FOXP2: variants seen among roughly 807,000 people sequenced by gnomAD.
The protein encoded by FOXP2 is forkhead box protein P2.
Under a neutral mutation model 115.8 loss-of-function variants are expected in FOXP2, and 12 were observed. The ratio of observed to expected loss-of-function variants is 0.10; its 90% CI spans 0.07 to 0.17. FOXP2 has a LOEUF of 0.17. Among genes scored for constraint, FOXP2 ranks in the 10% least tolerant of loss-of-function variants. The pLI, the probability that FOXP2 is intolerant of heterozygous loss-of-function variation, is 1.00. For synonymous variants in FOXP2, 328 were observed against 297.7 expected, an observed-to-expected ratio of 1.10 and a Z score of -1.05; for missense variants, 629 against 843.5, an observed-to-expected ratio of 0.75 and a Z score of 3.15.
chr7:114,136,176 C>A (rs1792032573), intron 1 of FOXP2, among the ~76,000 whole-genome samples: 1 of 152,076 alleles, frequency 6.6e-6, no homozygotes. Flanking sequence ...AACTATTACA[C>A]ACATAGCATT....
chr7:114,131,635 T>C (rs981734471), intron 1 of FOXP2, among the ~76,000 whole-genome samples: 2 of 152,190 alleles, frequency 1.3e-5, no homozygotes, highest in Admixed American at 6.5e-5. Context: ...TTGCCAAGAT[T>C]CCATTGCTGA....
intron 2 of FOXP2, among the ~76,000 whole-genome samples, chr7:114,342,833 T>C (rs1791249638): frequency 6.6e-6 from 1 of 151,550 alleles, no homozygotes; most frequent in South Asian, 2.1e-4. Context: ...GATAATGAAC[T>C]ATGCAGTCAT....
intron 1 of FOXP2, among the ~76,000 whole-genome samples, chr7:114,424,758 A>C (rs1206969913): frequency 6.6e-6 from 1 of 151,474 alleles, no homozygotes; most frequent in Admixed American, 6.6e-5. Flanking sequence ...TTTCGCTCAA[A>C]AATTGTTTAC....
At chr7:114,568,339 GA>G (rs896390824) in intron 3 of FOXP2, among the ~76,000 whole-genome samples, 38 of 151,090 alleles carry the variant, frequency 2.5e-4, no homozygotes, top group African/African-American at 9.0e-4. Flanking sequence ...AGATTTTAGG[GA>G]ATCGAAAAAT....
chr7:114,627,449 A>G (rs1396458682), intron 3 of FOXP2, among the ~76,000 whole-genome samples: 3 of 152,086 alleles, frequency 2.0e-5, no homozygotes, highest in East Asian at 1.9e-4. Flanking sequence ...TTGATTGCAT[A>G]CTGGTTAGTA....
intron 3 of FOXP2, among the ~76,000 whole-genome samples, chr7:114,535,168 A>G (rs1007461737): frequency 2.0e-5 from 3 of 151,756 alleles, no homozygotes; most frequent in Admixed American, 6.6e-5. Flanking sequence ...CCAAGGAGTT[A>G]TTGCTGGTGC....
chr7:114,289,863 G>A (rs1311626643), intron 2 of FOXP2, among the ~76,000 whole-genome samples: 3 of 151,872 alleles, frequency 2.0e-5, no homozygotes, highest in Non-Finnish European at 4.4e-5. Context: ...TTCTGAAAAA[G>A]CATTATTTTT....
chr7:114,376,411 T>C (rs1792137999), intron 2 of FOXP2, among the ~76,000 whole-genome samples: 1 of 152,204 alleles, frequency 6.6e-6, no homozygotes, highest in African/African-American at 2.4e-5. Context: ...CACAGAGCTG[T>C]TGTGGGGATT....
At chr7:114,397,382 A>G (rs1792770417) in intron 2 of FOXP2, among the ~76,000 whole-genome samples, 1 of 152,144 alleles carries the variant, frequency 6.6e-6, no homozygotes. Context: ...CCTGAGAGAA[A>G]GCAACAGACA....
chr7:114,346,417 T>A (rs1271307666), intron 2 of FOXP2, among the ~76,000 whole-genome samples: 1 of 151,804 alleles, frequency 6.6e-6, no homozygotes, highest in Non-Finnish European at 1.5e-5. Context: ...TTTAGAATAA[T>A]CCTATTACTG....
chr7:114,421,528 G>A (rs1326486434), intron 1 of FOXP2, among the ~76,000 whole-genome samples: 2 of 150,868 alleles, frequency 1.3e-5, no homozygotes, highest in Non-Finnish European at 3.0e-5. Flanking sequence ...TCTAATTTGT[G>A]TATAGCATTT....
At chr7:114,672,410 C>T (rs1807535603) in intron 16 of FOXP2, among the ~76,000 whole-genome samples, 1 of 152,054 alleles carries the variant, frequency 6.6e-6, no homozygotes, top group Non-Finnish European at 1.5e-5. Flanking sequence ...TGTGGCAAAA[C>T]CCCGTCTCTA....
chr7:114,630,077 C>A, intron 5 of FOXP2, 72 bp downstream of exon 5: 1 of 1,599,752 alleles, frequency 6.3e-7, no homozygotes. Flanking sequence ...CAAGAATAGT[C>A]TTAGATCTTC....
At chr7:114,425,985 A>T (rs1793827570) in intron 1 of FOXP2, among the ~76,000 whole-genome samples, 1 of 151,720 alleles carries the variant, frequency 6.6e-6, no homozygotes, top group African/African-American at 2.4e-5. Flanking sequence ...ATTGGTTGGT[A>T]CCATATGATT....
intron 2 of FOXP2, among the ~76,000 whole-genome samples, chr7:114,434,273 G>GA (rs1439199978): frequency 7.9e-5 from 12 of 151,690 alleles, no homozygotes; most frequent in African/African-American, 2.7e-4. Flanking sequence ...GCTTTATAAA[G>GA]AAAAATAAAT....
chr7:114,545,405 C>A (rs1337384286), intron 3 of FOXP2, among the ~76,000 whole-genome samples: 1 of 152,206 alleles, frequency 6.6e-6, no homozygotes, highest in African/African-American at 2.4e-5. Flanking sequence ...TTTTCAGGAT[C>A]ATTTCCAACA....
intron 2 of FOXP2, among the ~76,000 whole-genome samples, chr7:114,521,242 C>A (rs913196637): frequency 6.6e-6 from 1 of 152,016 alleles, no homozygotes; most frequent in African/African-American, 2.4e-5. Flanking sequence ...TCTGAAAAAG[C>A]ATGAACACTA....
At chr7:114,158,392 A>T (rs1369237655), upstream of FOXP2, among the ~76,000 whole-genome samples, 1 of 151,946 alleles carries the variant, frequency 6.6e-6, no homozygotes, top group East Asian at 1.9e-4. Flanking sequence ...TTAGTTGTTA[A>T]ATCTTAAAAA....
intron 2 of FOXP2, among the ~76,000 whole-genome samples, chr7:114,380,786 AG>A (rs1164699484): frequency 6.6e-6 from 1 of 152,224 alleles, no homozygotes; most frequent in Non-Finnish European, 1.5e-5. Flanking sequence ...TAACTGCTTC[AG>A]ATACTAAGAC....
Sources: gnomAD v4.1 joint callset for allele counts (sites outside exome capture counted in the v4.1 genomes callset) on GRCh38, gnomAD v4.1.1 for gene constraint, MANE v1.5 for transcripts, NCBI Gene and HGNC (gene_info 2026-07-23, HGNC 2026-07-21) for gene names.